The following VEGFD variants were observed in gnomAD, a reference collection of about 807,000 sequenced individuals.
VEGFD encodes c-fos induced growth factor (vascular endothelial growth factor D).
A neutral mutation model predicts 28.0 loss-of-function variants in VEGFD; 26 were observed. That is an observed-to-expected ratio of 0.93 (90% CI 0.68 to 1.29). VEGFD has a LOEUF of 1.29. Among genes scored for constraint, VEGFD ranks in the 50% most tolerant of loss-of-function variants. The pLI is 0.00. For synonymous variants in VEGFD, 93 were observed against 95.5 expected (o/e 0.97, Z 0.15); for missense variants, 294 against 273.4 (o/e 1.08, Z -0.53).
intron 1 of VEGFD, among the ~76,000 whole-genome samples, chrX:15,369,251 A>G (rs2079741246): frequency 9.0e-6 from 1 of 111,034 alleles, no homozygotes; most frequent in Admixed American, 9.6e-5. Context: ...TCATCTCTCA[A>G]TTTCCAGCCC....
chrX:15,361,397 G>A (rs1285492662), intron 2 of VEGFD, among the ~76,000 whole-genome samples: 1 of 111,335 alleles, frequency 9.0e-6, no homozygotes, highest in Admixed American at 9.5e-5. Flanking sequence ...AAGTGAGCTC[G>A]AGGCTATGGT....
At chrX:15,355,592 C>A (rs1209571666) in intron 3 of VEGFD, among the ~76,000 whole-genome samples, 1 of 112,162 alleles carries the variant, frequency 8.9e-6, no homozygotes, top group Non-Finnish European at 1.9e-5. Context: ...TATGCAGTTT[C>A]TTTAGGATTT....
At position 15,346,149 on chromosome X, in the gene VEGFD, C is replaced by T; in HGVS notation, c.1049G>A (p.Ser350Asn). The stretch of plus-strand genomic sequence containing the variant: ...AACGCTGAATCAAGGATTCTTTCGG[C>T]TGTGGGGCCCCTGGGCAGCCCTTTT... ...KEKRAAQGPHSRKNP is the reference protein window; with the variant it reads ...KEKRAAQGPHNRKNP The change falls in exon 7 of 7, where the codon AGC becomes AAC. Residue 350 changes from serine to asparagine, a missense_variant. Coordinates refer to ENST00000297904, the MANE Select transcript of VEGFD (RefSeq NM_004469.5). 1 of 1,210,803 alleles carries T rather than the reference C, an allele frequency of 8.3e-7. No individual in the cohort carries two copies.
At chrX:15,372,656 CTA>C (rs1054909278) in intron 1 of VEGFD, among the ~76,000 whole-genome samples, 1 of 111,305 alleles carries the variant, frequency 9.0e-6, no homozygotes, top group Non-Finnish European at 1.9e-5. Flanking sequence ...TAGGAACTCT[CTA>C]TATTGTCTCT....
intron 5 of VEGFD, among the ~76,000 whole-genome samples, chrX:15,351,269 C>T (rs1294027118): frequency 9.7e-6 from 1 of 103,396 alleles, no homozygotes. Flanking sequence ...GCGCCCGCCA[C>T]TACGCCCGGC....
chrX:15,347,442 TC>T lies in VEGFD; in HGVS notation c.743-84del, dbSNP rs1459605605. ...AAAGTTGATTGTATCTTTTATGTCA[TC>T]CGTAAGTAACTTGGATTCACCCAAT... is the stretch of plus-strand genomic sequence containing the variant. On this transcript the variant is annotated intron_variant, in intron 5 of 6. Coordinates refer to ENST00000297904, the MANE Select transcript of VEGFD (RefSeq NM_004469.5). The T allele has an allele frequency of 6.4e-6, 5 of 778,852 alleles. No individual in the cohort carries two copies. The African/African-American group carries it at 1.1e-4, about 16-fold the overall frequency. The allele number at this position is 778,852 out of a possible 1,213,427, so 64.2% of individuals were successfully genotyped here. A position where few individuals can be genotyped will look rare whatever the true frequency, so the allele number is the denominator to read the frequency against.
Position 15,363,253 on chromosome X carries a change from G to C in VEGFD, c.157C>G (p.Leu53Val). ...TCCTCAGAGTGAGTAATTCGAAGTA[G>C]TTCCTCCAAACTAGAAGCAGCCCTG... is the stretch of plus-strand genomic sequence containing the variant. The part of the protein sequence containing the change: ...QIRAASSLEE[L>V]LRITHSEDWK... Residue 53 changes from leucine to valine, a missense_variant, in exon 2 of 7, where the codon CTA becomes GTA. Transcript: ENST00000297904. The C allele has an allele frequency of 8.3e-7, 1 of 1,211,283 alleles. No individual in the cohort carries two copies. Among genetic ancestry groups the C allele is most frequent in the Non-Finnish European group, 1.1e-6 (1 of 895,138 alleles).
At chrX:15,354,207 G>A (rs1033547394) in intron 4 of VEGFD, among the ~76,000 whole-genome samples, 1 of 110,269 alleles carries the variant, frequency 9.1e-6, no homozygotes, top group South Asian at 3.9e-4. Flanking sequence ...TCCTGACCTC[G>A]TGATCTGCCC....
chrX:15,355,327 A>AT (rs1328363959), intron 3 of VEGFD, 29 bp from the exon 4 acceptor site: 21 of 1,090,230 alleles, frequency 1.9e-5, no homozygotes, highest in Non-Finnish European at 2.4e-5. Context: ...ACCACAATAT[A>AT]TTTTTTTAAT....
intron 5 of VEGFD, among the ~76,000 whole-genome samples, chrX:15,350,289 G>A (rs1026822744): frequency 9.0e-6 from 1 of 111,179 alleles, no homozygotes; most frequent in African/African-American, 3.3e-5. Context: ...CTCCAGCCCT[G>A]AGTGCTCATA....
Position 15,345,920 on chromosome X carries a change from T to C in VEGFD, c.*213A>G, listed in dbSNP as rs1922533209. ...GATTACATGGGTCCCCTCCTCTCCA[T>C]TCCTTGGTGCGCAGAGGCATCTGCA... On this transcript the variant is annotated 3_prime_UTR_variant, in exon 7 of 7. Coordinates refer to ENST00000297904, the MANE Select transcript of VEGFD (RefSeq NM_004469.5). The C allele has an allele frequency of 2.4e-6, 1 of 415,268 alleles. No individual in the cohort carries two copies. Among genetic ancestry groups the C allele is most frequent in the African/African-American group, 2.4e-5 (1 of 40,858 alleles). The allele number at this position is 415,268 out of a possible 1,213,427, so 34.2% of individuals were successfully genotyped here.
At chrX:15,353,558 G>C (rs190165250) in intron 4 of VEGFD, among the ~76,000 whole-genome samples, 116 of 111,288 alleles carry the variant, frequency 1.0e-3, no homozygotes, top group Admixed American at 2.9e-3. Context: ...TGACTAATAT[G>C]GAGAAACCCC....
intron 5 of VEGFD, among the ~76,000 whole-genome samples, chrX:15,349,130 A>T (rs1306710443): frequency 8.9e-6 from 1 of 112,974 alleles, no homozygotes; most frequent in Non-Finnish European, 1.9e-5. Flanking sequence ...TCTGTAAGTC[A>T]TATGCCAGTG....
chrX:15,368,059 AAG>A (rs1271607870), intron 1 of VEGFD, among the ~76,000 whole-genome samples: 41 of 102,184 alleles, frequency 4.0e-4, no homozygotes, highest in African/African-American at 1.1e-3. Flanking sequence ...AGAAGAAAGA[AAG>A]GAAAGAAAGA....
At chrX:15,351,117 T>C (rs1483795729) in intron 5 of VEGFD, among the ~76,000 whole-genome samples, 1 of 85,802 alleles carries the variant, frequency 1.2e-5, no homozygotes, top group Non-Finnish European at 2.3e-5. Context: ...TTTTCTTTTT[T>C]TTTTTTTTCT....
intron 2 of VEGFD, among the ~76,000 whole-genome samples, chrX:15,359,797 C>T (rs1224264222): frequency 8.9e-6 from 1 of 111,899 alleles, no homozygotes; most frequent in African/African-American, 3.2e-5. Flanking sequence ...CAACAGCTGA[C>T]TGAACTTGAA....
intron 1 of VEGFD, among the ~76,000 whole-genome samples, chrX:15,364,176 C>T (rs2147743618): frequency 8.9e-6 from 1 of 112,211 alleles, no homozygotes; most frequent in South Asian, 3.7e-4. Context: ...AATTTTCTTA[C>T]TTCTAACTCT....
At chrX:15,358,218 G>A in intron 2 of VEGFD, 25 bp from the exon 3 acceptor site, 1 of 1,167,060 alleles carries the variant, frequency 8.6e-7, no homozygotes, top group Non-Finnish European at 1.2e-6. Flanking sequence ...AAAGCTCACT[G>A]GGGCTAGCAG....
intron 1 of VEGFD, among the ~76,000 whole-genome samples, chrX:15,373,906 G>A (rs892544050): frequency 9.0e-6 from 1 of 110,953 alleles, no homozygotes; most frequent in Admixed American, 9.7e-5. Flanking sequence ...CTCCACTCCC[G>A]GCCTTCCTCA....
Sources: gnomAD v4.1 joint callset for allele counts (sites outside exome capture counted in the v4.1 genomes callset) on GRCh38, gnomAD v4.1.1 for gene constraint, MANE v1.5 for transcripts, NCBI Gene and HGNC (gene_info 2026-07-23, HGNC 2026-07-21) for gene names.